Variants in SAMD5 observed in about 807,000 individuals in gnomAD.
SAMD5 encodes the protein sterile alpha motif domain-containing protein 5.
Under a neutral mutation model 11.3 loss-of-function variants are expected in SAMD5, and 13 were observed. That is an observed-to-expected ratio of 1.15 (90% CI 0.75 to 1.83). The LOEUF is 1.83. Ranked by LOEUF, SAMD5 falls within the 40% of genes most tolerant of loss-of-function variation. The pLI is 0.00. For missense variants in SAMD5, 255 were observed against 239.1 expected (o/e 1.07, Z -0.44); for synonymous variants, 129 against 111.3 (o/e 1.16, Z -1.00).
the SAMD5 span, among the ~76,000 whole-genome samples, chr6:147,915,873 G>A: frequency 2.6e-5 from 4 of 151,554 alleles, no homozygotes; most frequent in Non-Finnish European, 4.4e-5. Flanking sequence ...TTTACATTAG[G>A]TATATCTCCT....
chr6:147,952,383 G>T, the SAMD5 span, among the ~76,000 whole-genome samples: 1 of 152,202 alleles, frequency 6.6e-6, no homozygotes, highest in Admixed American at 6.5e-5. Flanking sequence ...TATTAATGGT[G>T]ATGGATATCA....
chr6:147,868,620 A>G, the SAMD5 span, among the ~76,000 whole-genome samples: 7 of 152,362 alleles, frequency 4.6e-5, no homozygotes, highest in African/African-American at 9.6e-5. Flanking sequence ...TGTACTGGAA[A>G]TATGAAACCA....
the SAMD5 span, among the ~76,000 whole-genome samples, chr6:147,792,281 A>T: frequency 2.0e-4 from 30 of 152,328 alleles, no homozygotes; most frequent in African/African-American, 6.0e-4. Context: ...GCCAATTCTG[A>T]AACAAGTATA....
chr6:147,721,989 A>G (rs956510250), intron 1 of SAMD5, among the ~76,000 whole-genome samples: 3 of 152,254 alleles, frequency 2.0e-5, no homozygotes, highest in Non-Finnish European at 4.4e-5. Context: ...AGTTCTCTTC[A>G]TTCAACTTTT....
chr6:147,679,360 A>G (rs1007561267), intron 1 of SAMD5, among the ~76,000 whole-genome samples: 3 of 152,158 alleles, frequency 2.0e-5, no homozygotes, highest in Non-Finnish European at 4.4e-5. Flanking sequence ...ATAAGTTTGT[A>G]GTAGAATGTC....
the SAMD5 span, among the ~76,000 whole-genome samples, chr6:147,908,320 C>T: frequency 6.6e-6 from 1 of 152,156 alleles, no homozygotes; most frequent in East Asian, 1.9e-4. Flanking sequence ...AGGTCAGAAT[C>T]CAACGGAACA....
At chr6:147,892,169 TC>T in the SAMD5 span, among the ~76,000 whole-genome samples, 1 of 152,178 alleles carries the variant, frequency 6.6e-6, no homozygotes, top group South Asian at 2.1e-4. Flanking sequence ...CCTTCTTTCA[TC>T]CTTTTATTCA....
chr6:147,723,084 T>A (rs1381164778), intron 1 of SAMD5, among the ~76,000 whole-genome samples: 1 of 152,196 alleles, frequency 6.6e-6, no homozygotes, highest in Non-Finnish European at 1.5e-5. Context: ...TTGCCTTCAC[T>A]TGTTACTAAG....
intron 1 of SAMD5, among the ~76,000 whole-genome samples, chr6:147,596,135 G>T (rs564094630): frequency 3.9e-5 from 6 of 152,244 alleles, no homozygotes; most frequent in African/African-American, 1.4e-4. Flanking sequence ...CTGAAAATTG[G>T]CTGGAAAACC....
At chr6:147,908,273 C>T in the SAMD5 span, among the ~76,000 whole-genome samples, 1 of 152,058 alleles carries the variant, frequency 6.6e-6, no homozygotes, top group South Asian at 2.1e-4. Context: ...AAATTTTGTC[C>T]TAGGGTGGGC....
chr6:147,569,942 A>C lies in SAMD5; in HGVS notation c.*5486A>C. The C allele has an allele frequency of 1.0e-6, 1 of 983,240 alleles. No individual in the cohort carries two copies. Among genetic ancestry groups the C allele is most frequent in the Non-Finnish European group, 1.2e-6 (1 of 827,896 alleles). The allele number at this position is 983,240 out of a possible 1,614,324, so 60.9% of individuals were successfully genotyped here. A position where few individuals can be genotyped will look rare whatever the true frequency, so the allele number is the denominator to read the frequency against. On this transcript the variant is annotated 3_prime_UTR_variant, in exon 2 of 2. Coordinates refer to ENST00000367474, the MANE Select transcript of SAMD5 (RefSeq NM_001030060.3). ...AAGCCTAATTGGAATAGCATTATGA[A>C]CCATGTAATGCATGCCCATGCACAC...
chr6:147,619,512 A>G (rs1465908077), intron 1 of SAMD5, among the ~76,000 whole-genome samples: 4 of 152,246 alleles, frequency 2.6e-5, no homozygotes, highest in African/African-American at 9.6e-5. Context: ...AAGTAAAGAT[A>G]TTCCTTGATA....
the SAMD5 span, among the ~76,000 whole-genome samples, chr6:147,773,023 C>A: frequency 6.6e-6 from 1 of 152,130 alleles, no homozygotes; most frequent in Admixed American, 6.5e-5. Flanking sequence ...CATAGAGTCA[C>A]ATGGCCATTG....
At chr6:147,559,596 A>G (rs1788914851) in intron 1 of SAMD5, among the ~76,000 whole-genome samples, 1 of 152,204 alleles carries the variant, frequency 6.6e-6, no homozygotes, top group Non-Finnish European at 1.5e-5. Flanking sequence ...TCCAGGAAGT[A>G]GAGAAAATTA....
the SAMD5 span, among the ~76,000 whole-genome samples, chr6:147,904,240 G>T: frequency 1.3e-5 from 2 of 152,142 alleles, no homozygotes; most frequent in African/African-American, 4.8e-5. Flanking sequence ...GTAGCCAGGG[G>T]ACTAGTTTTC....
chr6:147,684,862 T>C (rs1790987259), intron 1 of SAMD5, among the ~76,000 whole-genome samples: 1 of 152,170 alleles, frequency 6.6e-6, no homozygotes, highest in Non-Finnish European at 1.5e-5. Flanking sequence ...TCAAAATATA[T>C]TTTAAAAAAA....
At chr6:147,611,190 C>A (rs2012819) in intron 1 of SAMD5, among the ~76,000 whole-genome samples, 64,214 of 151,918 alleles carry the variant, frequency 0.42, 13,680 homozygotes, top group Admixed American at 0.46. Context: ...AGTTCATCGT[C>A]AGAAGTTAAG....
chr6:147,903,842 A>T, the SAMD5 span, among the ~76,000 whole-genome samples: 1 of 151,122 alleles, frequency 6.6e-6, no homozygotes, highest in Non-Finnish European at 1.5e-5. Context: ...CAGGAGGTGG[A>T]GGTTGCAGTG....
At chr6:147,577,541 A>T (rs1472760218) in intron 1 of SAMD5, among the ~76,000 whole-genome samples, 4 of 151,932 alleles carry the variant, frequency 2.6e-5, no homozygotes, top group African/African-American at 9.7e-5. Flanking sequence ...AAATGAATTG[A>T]ATATATCTCT....
Sources: gnomAD v4.1 joint callset for allele counts (sites outside exome capture counted in the v4.1 genomes callset) on GRCh38, gnomAD v4.1.1 for gene constraint, MANE v1.5 for transcripts, NCBI Gene and HGNC (gene_info 2026-07-23, HGNC 2026-07-21) for gene names.